NT5C3B: variants seen among roughly 807,000 people sequenced by gnomAD.
NT5C3B encodes 7-methylguanosine phosphate-specific 5'-nucleotidase.
In NT5C3B, 28 loss-of-function variants were observed where a neutral mutation model predicts 32.5. That is an observed-to-expected ratio of 0.86 (90% CI 0.64 to 1.18). The LOEUF (loss-of-function observed/expected upper bound fraction) is 1.18. Ranked by LOEUF, NT5C3B falls within the 50% of genes most tolerant of loss-of-function variation. The pLI is 0.00. For synonymous variants in NT5C3B, 138 were observed against 118.0 expected, an observed-to-expected ratio of 1.17 and a Z score of -1.10; for missense variants, 317 against 322.0, an observed-to-expected ratio of 0.98 and a Z score of 0.12.
rs781807617 is a variant in NT5C3B, at chr17:41,830,869, G to T, written c.336C>A (p.Leu112=). ...MVEWWTKAHN[L]LCQQKIQKFQ... is the part of the protein sequence containing the mutation. ...ACTTCTGAATCTTCTGCTGACATAG[G>T]AGATTGTGTGCTTTGGTCCACCTAG... The change falls in exon 6 of 9, where the codon CTC becomes CTA. Residue 112 remains leucine (L), a synonymous_variant. Transcript: ENST00000435506. 1 of 1,608,752 alleles carries T rather than the reference G, an allele frequency of 6.2e-7. No individual in the cohort carries two copies. The highest frequency in any genetic ancestry group is 1.7e-5 in the Admixed American group (1 of 58,688).
At chr17:41,828,976 G>A (rs782171683) in intron 6 of NT5C3B, 24 bp from the exon 7 acceptor site, 2 of 1,594,332 alleles carry the variant, frequency 1.3e-6, no homozygotes, top group Non-Finnish European at 1.7e-6. Context: ...GAGGAATTCT[G>A]AAATGGCACT....
chr17:41,825,583 G>A lies in NT5C3B; in HGVS notation c.843C>T (p.Val281=). 1.1e-6 allele frequency: 1 copy of A among 872,884 alleles called. No individual in the cohort carries two copies. The highest frequency in any genetic ancestry group is 2.0e-6 in the Non-Finnish European group (1 of 501,692). The allele number at this position is 872,884 out of a possible 1,614,324, so 54.1% of individuals were successfully genotyped here. ...VLEKDETLDV[V]NGLLQHILCQ... Reference sequence around the variant, plus strand: ...ACAGGATGTGCTGCAGTAGCCCGTTGACCACATCCAGAGTCTCGTCCTTCT... The same window carrying A: ...ACAGGATGTGCTGCAGTAGCCCGTTAACCACATCCAGAGTCTCGTCCTTCT... The change falls in exon 9 of 9, where the codon GTC becomes GTT. Residue 281 remains valine, a synonymous_variant. Transcript: ENST00000435506.
intron 8 of NT5C3B, 123 bp downstream of exon 8, chr17:41,827,303 A>AAAAATAAAAT: frequency 2.2e-6 from 1 of 446,522 alleles, no homozygotes; most frequent in South Asian, 7.0e-5. Flanking sequence ...CGTCTCAAAA[A>AAAAATAAAAT]AAAATAAAAT....
intron 4 of NT5C3B, among the ~76,000 whole-genome samples, chr17:41,833,079 C>T (rs550389318): frequency 4.6e-5 from 7 of 152,192 alleles, no homozygotes; most frequent in East Asian, 1.9e-4. Context: ...CCTTTGTACT[C>T]ACCCTGAGAG....
intron 6 of NT5C3B, among the ~76,000 whole-genome samples, 170 bp downstream of exon 6, chr17:41,830,631 C>T (rs2048035668): frequency 6.6e-6 from 1 of 152,174 alleles, no homozygotes; most frequent in African/African-American, 2.4e-5. Flanking sequence ...TGAATGTTTC[C>T]TAGCAAGGGT....
Position 41,835,933 on chromosome 17 carries a change from C to G in NT5C3B, c.37G>C (p.Val13Leu), listed in dbSNP as rs141466769. ...EEVSTLMKAT[V>L]LMRQPGRVQE... Reference sequence around the variant, plus strand: ...ACCCGCCCAGGCTGCCGCATCAGGACCGTGGCCTTCATCAGGGTGCTCACC... The same window carrying G: ...ACCCGCCCAGGCTGCCGCATCAGGAGCGTGGCCTTCATCAGGGTGCTCACC... The change falls in exon 2 of 9, where the codon GTC becomes CTC. Residue 13 changes from valine to leucine, a missense_variant. Transcript: ENST00000435506. 8.4e-5 allele frequency: 135 copies of G among 1,599,756 alleles called. 1 individual carries two copies. The African/African-American group carries it at 1.4e-3, about 17-fold the overall frequency.
At chr17:41,830,704 A>C in intron 6 of NT5C3B, 97 bp downstream of exon 6, 1 of 846,294 alleles carries the variant, frequency 1.2e-6, no homozygotes, top group African/African-American at 1.7e-5. Flanking sequence ...CGGTCCTTTA[A>C]GCAACTAACT....
At chr17:41,826,172 A>C (rs1359783857) in intron 8 of NT5C3B, among the ~76,000 whole-genome samples, 6 of 150,394 alleles carry the variant, frequency 4.0e-5, no homozygotes, top group African/African-American at 9.8e-5. Context: ...AAAAAAAAAA[A>C]AAAAAAAACA....
intron 6 of NT5C3B, 88 bp from the exon 7 acceptor site, chr17:41,829,040 G>C (rs1279362089): frequency 1.7e-6 from 2 of 1,202,306 alleles, no homozygotes; most frequent in Non-Finnish European, 2.4e-6. Flanking sequence ...GGTTTTTTGT[G>C]AGACAGGGTC....
intron 7 of NT5C3B, 54 bp downstream of exon 7, chr17:41,828,736 G>A (rs782807823): frequency 2.2e-4 from 342 of 1,532,908 alleles, no homozygotes; most frequent in Non-Finnish European, 2.9e-4. Flanking sequence ...TAACTGCCCT[G>A]GCTGGTGGTC....
chr17:41,830,919 A>C (rs1393973662), intron 5 of NT5C3B, 29 bp from the exon 6 acceptor site: 1 of 1,366,640 alleles, frequency 7.3e-7, no homozygotes, highest in African/African-American at 1.4e-5. Flanking sequence ...GAAAACCCCA[A>C]ATTCAAATCA....
chr17:41,833,963 A>C (rs1301843232), intron 4 of NT5C3B, among the ~76,000 whole-genome samples: 2 of 152,252 alleles, frequency 1.3e-5, no homozygotes, highest in Non-Finnish European at 2.9e-5. Flanking sequence ...ATTCTCAGGA[A>C]CATTACAAGA....
intron 2 of NT5C3B, 63 bp downstream of exon 2, chr17:41,835,796 A>G: frequency 6.9e-7 from 1 of 1,452,478 alleles, no homozygotes; most frequent in Non-Finnish European, 9.5e-7. Context: ...GGGAAGGCCC[A>G]ATGGGCAGGA....
intron 4 of NT5C3B, among the ~76,000 whole-genome samples, chr17:41,834,685 G>A (rs1270416115): frequency 1.3e-5 from 2 of 151,854 alleles, no homozygotes; most frequent in African/African-American, 4.8e-5. Flanking sequence ...GGAGGTCAAG[G>A]CTGCAGTGAA....
rs782685099 is a variant in NT5C3B, at chr17:41,835,868, G to A, written c.102C>T (p.Asp34=). 33 of 1,608,364 alleles carry A rather than the reference G, an allele frequency of 2.1e-5. No individual in the cohort carries two copies. The African/African-American group carries it at 4.1e-4, about 20-fold the overall frequency. The change falls in exon 2 of 9, where the codon GAC becomes GAT. Residue 34 remains aspartate, a synonymous_variant. Transcript: ENST00000435506. ...CACGCCCCAGAGGTACCTGTAACCG[G>A]TCTCCGCCGCCCTTGCGGAGGGCGC... ...IVGALRKGGG[D]RLQVISDFDM...
In NT5C3B at chr17:41,825,578, C is replaced by A. The variant is rs371247141; in HGVS notation, c.848G>T (p.Gly283Val). Residue 283 changes from glycine to valine, a missense_variant, in exon 9 of 9, where the codon GGG becomes GTG. Transcript: ENST00000435506. ...EKDETLDVVNGLLQHILCQGV... is the reference protein window; with the variant it reads ...EKDETLDVVNVLLQHILCQGV... ...CTGGCACAGGATGTGCTGCAGTAGCCCGTTGACCACATCCAGAGTCTCGTC... is the reference window on the plus strand; with the variant it reads ...CTGGCACAGGATGTGCTGCAGTAGCACGTTGACCACATCCAGAGTCTCGTC... 1 of 872,746 alleles carries A rather than the reference C, an allele frequency of 1.1e-6. No homozygotes were observed. Among genetic ancestry groups the A allele is most frequent in the African/African-American group, 1.6e-5 (1 of 61,346 alleles). 54.1% of individuals were successfully genotyped at this position (872,746 alleles called of 1,614,324 possible).
chr17:41,833,997 G>A (rs1388800981), intron 4 of NT5C3B, among the ~76,000 whole-genome samples: 1 of 152,172 alleles, frequency 6.6e-6, no homozygotes, highest in Non-Finnish European at 1.5e-5. Context: ...CTGTCCATCT[G>A]TTCAAAAGAA....
Position 41,827,639 on chromosome 17 carries a change from G to T in NT5C3B, c.568-13C>A. The T allele has an allele frequency of 1.2e-6, 1 of 847,238 alleles. No individual in the cohort carries two copies. Among genetic ancestry groups the T allele is most frequent in the Non-Finnish European group, 2.1e-6 (1 of 478,754 alleles). 52.5% of individuals were successfully genotyped at this position (847,238 alleles called of 1,614,324 possible). A position where few individuals can be genotyped will look rare whatever the true frequency, so the allele number is the denominator to read the frequency against. On this transcript the variant is annotated splice_polypyrimidine_tract_variant and intron_variant, in intron 7 of 8. Transcript: ENST00000435506. ...CCTGGAGAAAACCCTAAATAATGAA[G>T]ACAAGAGACAGATGGAAGGGCTGCA... is the stretch of plus-strand genomic sequence containing the variant.
Position 41,827,329 on chromosome 17 carries a change from T to C in NT5C3B, c.768+97A>G, listed in dbSNP as rs1050582457. The C allele has an allele frequency of 3.5e-5, 19 of 544,126 alleles. No homozygotes were observed. The African/African-American group carries it at 3.6e-4, about 10-fold the overall frequency. 33.7% of individuals were successfully genotyped at this position (544,126 alleles called of 1,614,324 possible). Reference sequence around the variant, plus strand: ...AAAATAAAATAAAATAAAATAAAAATAGAAATAAAAAAAGAGAATGTGTTC... The same window carrying C: ...AAAATAAAATAAAATAAAATAAAAACAGAAATAAAAAAAGAGAATGTGTTC... On this transcript the variant is annotated intron_variant, in intron 8 of 8. Coordinates refer to ENST00000435506, the MANE Select transcript of NT5C3B (RefSeq NM_052935.5).
Sources: gnomAD v4.1 joint callset for allele counts (sites outside exome capture counted in the v4.1 genomes callset) on GRCh38, gnomAD v4.1.1 for gene constraint, MANE v1.5 for transcripts, NCBI Gene and HGNC (gene_info 2026-07-23, HGNC 2026-07-21) for gene names.